Variants in WWOX observed in about 807,000 individuals in gnomAD.
WWOX encodes WW domain-containing oxidoreductase.
A neutral mutation model predicts 46.2 loss-of-function variants in WWOX; 69 were observed. The ratio of observed to expected loss-of-function variants is 1.49; its 90% CI spans 1.23 to 1.82. The LOEUF (loss-of-function observed/expected upper bound fraction) is 1.82, where lower values mean the gene tolerates loss of function less well. Among genes scored for constraint, WWOX ranks in the 40% most tolerant of loss-of-function variants. The probability of loss-of-function intolerance (pLI) is 0.00; values close to 1 mark genes in which losing one functional copy is unlikely to be tolerated. For missense variants in WWOX, 919 were observed against 542.6 expected (o/e 1.69, Z -6.89); for synonymous variants, 359 against 202.6 (o/e 1.77, Z -6.56).
chr16:78,648,223 A>T (rs1275963559), intron 8 of WWOX, among the ~76,000 whole-genome samples: 1 of 152,178 alleles, frequency 6.6e-6, no homozygotes, highest in Non-Finnish European at 1.5e-5. Context: ...TCTCTAATTC[A>T]TGCATATCCC....
At chr16:78,519,000 C>A (rs1314699258) in intron 8 of WWOX, among the ~76,000 whole-genome samples, 1 of 152,198 alleles carries the variant, frequency 6.6e-6, no homozygotes, top group Non-Finnish European at 1.5e-5. Flanking sequence ...TGATTTCTCA[C>A]CTACTGGCAA....
Position 78,960,244 on chromosome 16 carries a change from G to A in WWOX, c.1057-251364G>A, listed in dbSNP as rs542088528. Among the ~76,000 whole-genome samples the A allele has an allele frequency of 7.9e-5, 12 of 152,264 alleles. No individual in the cohort carries two copies. The East Asian group carries it at 2.3e-3, about 29-fold the overall frequency. The stretch of plus-strand genomic sequence containing the variant: ...AAAATGACCTTAATTTGGGTCATAG[G>A]ACAAAGACCTCCCCACCTCCAGCTA... On this transcript the variant is annotated intron_variant, in intron 8 of 8. Transcript: ENST00000566780.
chr16:78,101,672 T>A (rs958302474), intron 1 of WWOX, among the ~76,000 whole-genome samples: 1 of 152,132 alleles, frequency 6.6e-6, no homozygotes, highest in Non-Finnish European at 1.5e-5. Flanking sequence ...TGGTAGGTTG[T>A]AAAATCTTCC....
At chr16:78,735,493 T>C (rs998995276) in intron 8 of WWOX, among the ~76,000 whole-genome samples, 1 of 152,096 alleles carries the variant, frequency 6.6e-6, no homozygotes, top group African/African-American at 2.4e-5. Context: ...TTGACGTGCT[T>C]GAACTCGAGG....
intron 6 of WWOX, among the ~76,000 whole-genome samples, chr16:78,390,123 C>G (rs562042423): frequency 1.3e-5 from 2 of 152,192 alleles, no homozygotes; most frequent in Non-Finnish European, 2.9e-5. Context: ...AGGTTGGTGA[C>G]GGGCATGGGG....
intron 8 of WWOX, among the ~76,000 whole-genome samples, chr16:78,483,888 T>G (rs1223764590): frequency 6.6e-6 from 1 of 152,150 alleles, no homozygotes; most frequent in Non-Finnish European, 1.5e-5. Context: ...AAACATCTTG[T>G]GGTCAACAGT....
At chr16:78,760,488 T>C (rs2049765402) in intron 8 of WWOX, among the ~76,000 whole-genome samples, 1 of 152,204 alleles carries the variant, frequency 6.6e-6, no homozygotes, top group African/African-American at 2.4e-5. Flanking sequence ...CTTAGACACC[T>C]TCAGCAAGAA....
chr16:78,874,796 T>C (rs1302082406), intron 8 of WWOX, among the ~76,000 whole-genome samples: 1 of 147,620 alleles, frequency 6.8e-6, no homozygotes, highest in Non-Finnish European at 1.5e-5. Flanking sequence ...ACAGGCCTTC[T>C]ACATAGGAGT....
intron 6 of WWOX, among the ~76,000 whole-genome samples, chr16:78,422,846 C>T (rs145240433): frequency 0.012 from 165 of 13,292 alleles, 6 homozygotes; most frequent in East Asian, 0.028. Context: ...TATACATATA[C>T]ACACACACAC....
intron 8 of WWOX, among the ~76,000 whole-genome samples, chr16:78,967,598 C>T (rs1020064979): frequency 5.3e-5 from 8 of 151,618 alleles, no homozygotes; most frequent in Non-Finnish European, 8.8e-5. Context: ...AGCCACTATG[C>T]CCAATACCCC....
At chr16:78,672,695 G>A (rs2047495921) in intron 8 of WWOX, among the ~76,000 whole-genome samples, 1 of 152,140 alleles carries the variant, frequency 6.6e-6, no homozygotes, top group Admixed American at 6.5e-5. Context: ...TTTAAAAACG[G>A]GAATGACCAA....
intron 8 of WWOX, among the ~76,000 whole-genome samples, chr16:78,835,296 C>G (rs1161384695): frequency 6.6e-6 from 1 of 152,136 alleles, no homozygotes; most frequent in South Asian, 2.1e-4. Flanking sequence ...AGCTTTTATC[C>G]CTTTAACTAC....
At chr16:78,779,803 C>T (rs907376710) in intron 8 of WWOX, among the ~76,000 whole-genome samples, 6 of 152,108 alleles carry the variant, frequency 3.9e-5, no homozygotes, top group Middle Eastern at 3.2e-3. Context: ...GGCTCTCATT[C>T]TGTACCCTCT....
intron 8 of WWOX, among the ~76,000 whole-genome samples, chr16:78,540,034 A>ACACT (rs1816773454): frequency 6.6e-6 from 1 of 150,702 alleles, no homozygotes; most frequent in Non-Finnish European, 1.5e-5. Context: ...ACACACACAC[A>ACACT]CACACACACA....
intron 5 of WWOX, among the ~76,000 whole-genome samples, chr16:78,314,240 A>T: frequency 6.6e-6 from 1 of 151,928 alleles, no homozygotes; most frequent in Non-Finnish European, 1.5e-5. Context: ...CCCCGTCTCT[A>T]CTAAAAATAC....
chr16:79,000,269 C>T (rs898222437), intron 8 of WWOX, among the ~76,000 whole-genome samples: 2 of 152,176 alleles, frequency 1.3e-5, no homozygotes, highest in African/African-American at 4.8e-5. Context: ...CCTTTAGATC[C>T]CATCTCTGGT....
At chr16:78,992,953 T>TA (rs11387232) in intron 8 of WWOX, among the ~76,000 whole-genome samples, 144,052 of 150,404 alleles carry the variant, frequency 0.96, 69,274 homozygotes, top group East Asian at 1. Flanking sequence ...GTCTCATCTT[T>TA]AAAAAAAAAA....
chr16:78,504,891 C>A (rs2085155127), intron 8 of WWOX, among the ~76,000 whole-genome samples: 1 of 152,034 alleles, frequency 6.6e-6, no homozygotes, highest in Non-Finnish European at 1.5e-5. Flanking sequence ...AGTTTCGAAA[C>A]CAAACCCACA....
At chr16:78,481,162 T>C (rs1334838798) in intron 8 of WWOX, among the ~76,000 whole-genome samples, 1 of 152,236 alleles carries the variant, frequency 6.6e-6, no homozygotes, top group African/African-American at 2.4e-5. Flanking sequence ...TAGTAGCTAA[T>C]AGAATGATCC....
Sources: gnomAD v4.1 joint callset for allele counts (sites outside exome capture counted in the v4.1 genomes callset) on GRCh38, gnomAD v4.1.1 for gene constraint, MANE v1.5 for transcripts, NCBI Gene and HGNC (gene_info 2026-07-23, HGNC 2026-07-21) for gene names.